Variants in KCNMA1 observed in about 807,000 individuals in gnomAD.
The protein encoded by KCNMA1 is potassium calcium-activated channel subfamily M alpha 1.
Under a neutral mutation model 140.0 loss-of-function variants are expected in KCNMA1, and 29 were observed. That is an observed-to-expected ratio of 0.21 (90% CI 0.15 to 0.28). The LOEUF (loss-of-function observed/expected upper bound fraction) is 0.28, where lower values mean the gene tolerates loss of function less well. Among genes scored for constraint, KCNMA1 ranks in the 10% least tolerant of loss-of-function variants. The pLI, the probability that KCNMA1 is intolerant of heterozygous loss-of-function variation, is 1.00. For missense variants in KCNMA1, 880 were observed against 1,602.2 expected (o/e 0.55, Z 7.70); for synonymous variants, 612 against 611.9 (o/e 1.00, Z 0.00).
At chr10:76,869,961 G>A (rs1417141373) in exon 28 of KCNMA1, 1 of 152,548 alleles carries the variant, frequency 6.6e-6, no homozygotes, top group Admixed American at 6.5e-5. Context: ...GCAGAGAAAG[G>A]TTTCTTTTCA....
chr10:77,298,374 C>A (rs1376114638), intron 2 of KCNMA1, among the ~76,000 whole-genome samples: 1 of 152,166 alleles, frequency 6.6e-6, no homozygotes, highest in Non-Finnish European at 1.5e-5. Flanking sequence ...TCCCGAGTAG[C>A]TGGGCTACAG....
chr10:77,325,186 T>C (rs1034139185), intron 2 of KCNMA1, among the ~76,000 whole-genome samples: 2 of 152,092 alleles, frequency 1.3e-5, no homozygotes, highest in Non-Finnish European at 2.9e-5. Flanking sequence ...TACAGAACAA[T>C]AAACAGATTC....
chr10:77,260,885 GA>G (rs1280855113), intron 2 of KCNMA1, among the ~76,000 whole-genome samples: 1 of 152,152 alleles, frequency 6.6e-6, no homozygotes, highest in South Asian at 2.1e-4. Context: ...AGGAATCTGT[GA>G]AAACAGATGT....
At chr10:77,128,277 T>C (rs2097782385) in intron 5 of KCNMA1, among the ~76,000 whole-genome samples, 1 of 152,088 alleles carries the variant, frequency 6.6e-6, no homozygotes. Context: ...GTATTTTTCC[T>C]ACTGTCAAAT....
At chr10:77,468,904 C>G (rs1021886634) in intron 1 of KCNMA1, among the ~76,000 whole-genome samples, 1 of 152,086 alleles carries the variant, frequency 6.6e-6, no homozygotes, top group East Asian at 1.9e-4. Flanking sequence ...GAGTCTTAAC[C>G]CAACCTGGTC....
In KCNMA1 at chr10:76,886,886, CT is replaced by C. The variant is rs1294582336; in HGVS notation, c.*379del. ...CAAAACCCAAAGCACCCTGATAATC[CT>C]GATAAATCAGAATCAACTTTTCTTT... On this transcript the variant is annotated 3_prime_UTR_variant, in exon 28 of 28. Coordinates refer to ENST00000286628, the MANE Select transcript of KCNMA1 (RefSeq NM_001161352.2). 16 of 1,116,036 alleles carry C rather than the reference CT, an allele frequency of 1.4e-5. No individual in the cohort carries two copies. Among genetic ancestry groups the C allele is most frequent in the Non-Finnish European group, 1.8e-5 (16 of 907,164 alleles). 69.1% of individuals were successfully genotyped at this position (1,116,036 alleles called of 1,614,324 possible).
chr10:77,268,641 G>C (rs565192050), intron 2 of KCNMA1, among the ~76,000 whole-genome samples: 3 of 152,188 alleles, frequency 2.0e-5, no homozygotes, highest in Admixed American at 2.0e-4. Flanking sequence ...ATCGCTTCCC[G>C]GTGAAAAGAG....
intron 1 of KCNMA1, among the ~76,000 whole-genome samples, chr10:77,484,618 G>T (rs1474370260): frequency 6.6e-6 from 1 of 152,192 alleles, no homozygotes; most frequent in Non-Finnish European, 1.5e-5. Flanking sequence ...GCAGAACCAG[G>T]ATTCAAACTG....
chr10:77,554,525 A>T (rs186140342), intron 1 of KCNMA1, among the ~76,000 whole-genome samples: 7 of 146,000 alleles, frequency 4.8e-5, no homozygotes, highest in African/African-American at 1.3e-4. Context: ...TGAACCTGGG[A>T]CGCAGAGGTT....
At chr10:77,444,164 C>G (rs1408666195) in intron 1 of KCNMA1, among the ~76,000 whole-genome samples, 1 of 152,078 alleles carries the variant, frequency 6.6e-6, no homozygotes, top group East Asian at 1.9e-4. Flanking sequence ...AAAAGAAATC[C>G]TTCTGCAAAG....
intron 1 of KCNMA1, among the ~76,000 whole-genome samples, chr10:77,559,873 A>C (rs77324766): frequency 1.3e-3 from 205 of 152,162 alleles, no homozygotes; most frequent in Non-Finnish European, 2.2e-3. Flanking sequence ...ATTCAGCCCG[A>C]TATGTTTAAA....
At chr10:76,955,268 T>G (rs1323155897) in intron 20 of KCNMA1, among the ~76,000 whole-genome samples, 1 of 151,974 alleles carries the variant, frequency 6.6e-6, no homozygotes, top group Non-Finnish European at 1.5e-5. Context: ...CTATTTGTCC[T>G]TCTGAAATGT....
chr10:77,171,235 T>C (rs1465520543), intron 5 of KCNMA1, among the ~76,000 whole-genome samples: 1 of 152,140 alleles, frequency 6.6e-6, no homozygotes. Flanking sequence ...ACCCCAAATC[T>C]GTAATTTAAC....
downstream of KCNMA1, among the ~76,000 whole-genome samples, chr10:76,881,292 G>C (rs554038195): frequency 3.5e-4 from 54 of 152,324 alleles, 3 homozygotes; most frequent in Middle Eastern, 0.01. Flanking sequence ...ATTTATCTTA[G>C]CTTCATTCCT....
At chr10:77,007,745 C>T (rs1275436205) in intron 18 of KCNMA1, among the ~76,000 whole-genome samples, 1 of 147,910 alleles carries the variant, frequency 6.8e-6, no homozygotes, top group Non-Finnish European at 1.5e-5. Flanking sequence ...AGCTCAATAA[C>T]AAAGGAGACC....
chr10:77,060,008 CATG>C (rs2095679298), intron 14 of KCNMA1, among the ~76,000 whole-genome samples: 1 of 152,066 alleles, frequency 6.6e-6, no homozygotes, highest in East Asian at 1.9e-4. Context: ...TCTAACAAAA[CATG>C]TACAGAATCT....
At chr10:76,909,862 C>G in intron 25 of KCNMA1, 104 bp downstream of exon 25, 3 of 1,231,000 alleles carry the variant, frequency 2.4e-6, no homozygotes, top group Non-Finnish European at 3.5e-6. Flanking sequence ...AGGAGTCTTG[C>G]TCTCCACTGT....
Position 76,970,022 on chromosome 10 carries a change from C to G in KCNMA1, c.2312G>C (p.Arg771Pro). ...PSTLSPKKKQ[R>P]NGGMRNSPNT... ...GGGTGAGTTCCGCATGCCTCCATTC[C>G]GTTGCTTTTTTTTTGGTGATAGTGT... Residue 771 changes from arginine (R) to proline (P), a missense_variant, in exon 20 of 28, where the codon CGG becomes CCG. Around this residue, in one of 13 missense-constraint regions of KCNMA1, gnomAD observed 196 missense variants for 233.0 expected, o/e 0.84. Coordinates refer to ENST00000286628, the MANE Select transcript of KCNMA1 (RefSeq NM_001161352.2). 1.9e-6 allele frequency: 3 copies of G among 1,613,992 alleles called. No individual in the cohort carries two copies. The East Asian group carries it at 6.7e-5, about 36-fold the overall frequency.
intron 1 of KCNMA1, among the ~76,000 whole-genome samples, chr10:77,626,744 C>T (rs72813448): frequency 1.3e-3 from 197 of 152,320 alleles, no homozygotes; most frequent in Non-Finnish European, 2.3e-3. Flanking sequence ...AGGCCGCGTG[C>T]TATCAGTTCA....
Sources: gnomAD v4.1 joint callset for allele counts (sites outside exome capture counted in the v4.1 genomes callset) on GRCh38, gnomAD v4.1.1 for gene constraint, gnomAD v4.1.1 regional missense constraint, MANE v1.5 for transcripts, NCBI Gene and HGNC (gene_info 2026-07-23, HGNC 2026-07-21) for gene names.